Variants in ZDHHC21 observed in about 807,000 individuals in gnomAD.
ZDHHC21 encodes palmitoyltransferase ZDHHC21.
ZDHHC21 carries 15 observed loss-of-function variants against 34.6 expected under a neutral mutation model. The ratio of observed to expected loss-of-function variants is 0.43; its 90% CI spans 0.29 to 0.67. ZDHHC21 has a LOEUF of 0.67. Among genes scored for constraint, ZDHHC21 ranks in the 30% least tolerant of loss-of-function variants. The pLI, the probability that ZDHHC21 is intolerant of heterozygous loss-of-function variation, is 0.14. For synonymous variants in ZDHHC21, 142 were observed against 101.8 expected, an observed-to-expected ratio of 1.40 and a Z score of -2.38; for missense variants, 344 against 327.7, an observed-to-expected ratio of 1.05 and a Z score of -0.38.
At chr9:14,675,635 C>CTAGA (rs1362218396) in intron 3 of ZDHHC21, among the ~76,000 whole-genome samples, 3 of 151,876 alleles carry the variant, frequency 2.0e-5, no homozygotes, top group African/African-American at 7.3e-5. Context: ...CTATCACTTG[C>CTAGA]TAGACACTGC....
At chr9:14,632,031 GC>G (rs1319568808) in intron 8 of ZDHHC21, among the ~76,000 whole-genome samples, 1 of 150,250 alleles carries the variant, frequency 6.7e-6, no homozygotes, top group Non-Finnish European at 1.5e-5. Flanking sequence ...ATGCATCATT[GC>G]CACAAACCTT....
At chr9:14,591,872 T>C in the ZDHHC21 span, among the ~76,000 whole-genome samples, 28 of 152,146 alleles carry the variant, frequency 1.8e-4, no homozygotes, top group Non-Finnish European at 3.5e-4. Flanking sequence ...AGGTAGCTAT[T>C]CTAGCTCTTA....
intron 8 of ZDHHC21, among the ~76,000 whole-genome samples, chr9:14,621,848 G>A (rs1229932847): frequency 1.3e-5 from 2 of 151,984 alleles, no homozygotes; most frequent in African/African-American, 4.8e-5. Flanking sequence ...ATCCTCAAGT[G>A]TCAAATTAAG....
chr9:14,664,130 G>A (rs1164482002), intron 5 of ZDHHC21, among the ~76,000 whole-genome samples: 1 of 152,144 alleles, frequency 6.6e-6, no homozygotes, highest in Non-Finnish European at 1.5e-5. Flanking sequence ...GCCAGACAGT[G>A]GGCGCAGGCC....
chr9:14,608,471 A>G (rs527474684), downstream of ZDHHC21, among the ~76,000 whole-genome samples: 1 of 152,156 alleles, frequency 6.6e-6, no homozygotes, highest in African/African-American at 2.4e-5. Context: ...CCAAGTTCCT[A>G]ATTTCCTCAA....
chr9:14,663,726 T>G (rs1443209877), intron 5 of ZDHHC21, among the ~76,000 whole-genome samples: 1 of 152,142 alleles, frequency 6.6e-6, no homozygotes, highest in East Asian at 1.9e-4. Context: ...TCCAATAATA[T>G]GAAAGTTGAG....
the ZDHHC21 span, among the ~76,000 whole-genome samples, chr9:14,599,266 T>G: frequency 6.6e-6 from 1 of 152,102 alleles, no homozygotes; most frequent in African/African-American, 2.4e-5. Flanking sequence ...TCATTGGGAC[T>G]GGTTAGACAG....
In ZDHHC21 at chr9:14,637,617, A is replaced by T. The variant is rs141915009; in HGVS notation, c.621+2279T>A. On this transcript the variant is annotated intron_variant, in intron 8 of 9. Transcript: ENST00000380916. The stretch of plus-strand genomic sequence containing the variant: ...TGGCCTTTTGTGTTGATGGTATCTT[A>T]TATCAAGAAAAACCTAAAGGCTCTA... Among the ~76,000 whole-genome samples the T allele has an allele frequency of 4.6e-5, 7 of 152,148 alleles. No individual in the cohort carries two copies. The East Asian group carries it at 1.3e-3, about 29-fold the overall frequency.
rs116405430 is a variant in ZDHHC21 at position 14,672,666 on chromosome 9, G to A, written c.253+164C>T. On this transcript the variant is annotated intron_variant, in intron 5 of 9. Transcript: ENST00000380916. ...ACTGCCGGGGTGCAGGGGGAGCAGG[G>A]TTGCAATTTTAAGTAGAGAAGTTTG... Among the ~76,000 whole-genome samples, 790 of 152,140 alleles carry A rather than the reference G, an allele frequency of 5.2e-3. 7 individuals carry two copies. The highest frequency in any genetic ancestry group is 0.018 in the African/African-American group (758 of 41,508).
chr9:14,672,405 C>G (rs1835625562), intron 5 of ZDHHC21, among the ~76,000 whole-genome samples: 1 of 151,934 alleles, frequency 6.6e-6, no homozygotes, highest in Non-Finnish European at 1.5e-5. Context: ...AAGTTTTCCC[C>G]AGATTCGTAA....
At chr9:14,607,632 G>A (rs1036884324), downstream of ZDHHC21, among the ~76,000 whole-genome samples, 5 of 151,710 alleles carry the variant, frequency 3.3e-5, no homozygotes, top group East Asian at 1.9e-4. Context: ...GGGGGCGGGG[G>A]GGAAGTAAGG....
chr9:14,592,109 ATT>A, the ZDHHC21 span, among the ~76,000 whole-genome samples: 137 of 151,498 alleles, frequency 9.0e-4, no homozygotes, highest in African/African-American at 3.1e-3. Context: ...TGTCTTATAT[ATT>A]TTTTTCTCTG....
intron 5 of ZDHHC21, among the ~76,000 whole-genome samples, chr9:14,670,422 T>C (rs1835239357): frequency 6.6e-6 from 1 of 152,142 alleles, no homozygotes; most frequent in Non-Finnish European, 1.5e-5. Flanking sequence ...TAACAATTTG[T>C]GACATGTAAA....
chr9:14,619,541 A>T (rs1564191898), intron 9 of ZDHHC21, 98 bp downstream of exon 9: 2 of 1,014,014 alleles, frequency 2.0e-6, no homozygotes, highest in Non-Finnish European at 2.9e-6. Context: ...AGAAAAAGCC[A>T]TCATTATATT....
the ZDHHC21 span, among the ~76,000 whole-genome samples, chr9:14,592,446 G>A: frequency 6.6e-6 from 1 of 151,900 alleles, no homozygotes; most frequent in East Asian, 1.9e-4. Flanking sequence ...AAACCCAACA[G>A]TACAGTATAC....
At chr9:14,688,032 CT>C (rs1270042813) in intron 2 of ZDHHC21, among the ~76,000 whole-genome samples, 1 of 150,824 alleles carries the variant, frequency 6.6e-6, no homozygotes, top group Non-Finnish European at 1.5e-5. Flanking sequence ...TTAAATAATT[CT>C]CCATAAAAAT....
chr9:14,627,080 C>T (rs1007826182), intron 8 of ZDHHC21, among the ~76,000 whole-genome samples: 3 of 152,026 alleles, frequency 2.0e-5, no homozygotes, highest in Non-Finnish European at 4.4e-5. Context: ...AAAGAGTGTA[C>T]TGAATGCTAT....
At chr9:14,679,209 G>C (rs1228721208) in intron 3 of ZDHHC21, among the ~76,000 whole-genome samples, 1 of 152,096 alleles carries the variant, frequency 6.6e-6, no homozygotes, top group South Asian at 2.1e-4. Flanking sequence ...ATTATGTAGA[G>C]AGGAAGCATA....
At chr9:14,605,155 T>C in the ZDHHC21 span, among the ~76,000 whole-genome samples, 6 of 152,102 alleles carry the variant, frequency 3.9e-5, no homozygotes, top group African/African-American at 1.2e-4. Flanking sequence ...TTATGAATAC[T>C]GCATTAATGA....
Sources: gnomAD v4.1 joint callset for allele counts (sites outside exome capture counted in the v4.1 genomes callset) on GRCh38, gnomAD v4.1.1 for gene constraint, MANE v1.5 for transcripts, NCBI Gene and HGNC (gene_info 2026-07-23, HGNC 2026-07-21) for gene names.